Variants in PPARGC1B observed in about 807,000 individuals in gnomAD.
The protein encoded by PPARGC1B is PPARG coactivator 1 beta, also known as peroxisome proliferator-activated receptor gamma coactivator 1-beta.
A neutral mutation model predicts 101.6 loss-of-function variants in PPARGC1B; 34 were observed. The observed-to-expected ratio is 0.33, with a 90% CI of 0.25 to 0.45. The LOEUF is 0.45. Ranked by LOEUF, PPARGC1B falls within the 20% of genes least tolerant of loss-of-function variation. PPARGC1B has a pLI of 1.00. For missense variants in PPARGC1B, 1,234 were observed against 1,317.6 expected, an observed-to-expected ratio of 0.94 and a Z score of 0.98; for synonymous variants, 548 against 539.3, an observed-to-expected ratio of 1.02 and a Z score of -0.22.
chr5:149,794,118 G>A (rs1021657865), intron 1 of PPARGC1B, among the ~76,000 whole-genome samples: 3 of 152,168 alleles, frequency 2.0e-5, no homozygotes, highest in Admixed American at 2.0e-4. Context: ...GCTCTTTACA[G>A]AAGAAGTTGC....
intron 1 of PPARGC1B, among the ~76,000 whole-genome samples, chr5:149,763,996 C>G (rs1755815853): frequency 6.6e-6 from 1 of 152,096 alleles, no homozygotes; most frequent in African/African-American, 2.4e-5. Flanking sequence ...GGGGCTTTTC[C>G]CCTTTATTGG....
chr5:149,771,319 AG>A (rs1241748498), intron 1 of PPARGC1B, among the ~76,000 whole-genome samples: 1 of 152,236 alleles, frequency 6.6e-6, no homozygotes, highest in Non-Finnish European at 1.5e-5. Context: ...CCCTGGAAGC[AG>A]GCTCAGGGCC....
At chr5:149,801,785 G>C (rs1757438167) in intron 1 of PPARGC1B, among the ~76,000 whole-genome samples, 1 of 152,160 alleles carries the variant, frequency 6.6e-6, no homozygotes, top group African/African-American at 2.4e-5. Context: ...CTCAGAGCAT[G>C]AAGGGTTAAC....
At chr5:149,838,989 A>G (rs948634100) in intron 8 of PPARGC1B, among the ~76,000 whole-genome samples, 1 of 152,202 alleles carries the variant, frequency 6.6e-6, no homozygotes, top group African/African-American at 2.4e-5. Context: ...AAGGGATGAT[A>G]ATACAATAAT....
At position 149,792,760 on chromosome 5, in the gene PPARGC1B, T is replaced by TTCATTCAG. The variant is rs1554077551; in HGVS notation, c.79-27666_79-27665insGTCATTCA. 6.6e-5 allele frequency among the ~76,000 whole-genome samples: 10 copies of TTCATTCAG among 151,880 alleles called. 1 individual carries two copies. The highest frequency in any genetic ancestry group is 6.6e-4 in the Admixed American group (10 of 15,252). On this transcript the variant is annotated intron_variant, in intron 1 of 11. Coordinates refer to ENST00000309241, the MANE Select transcript of PPARGC1B (RefSeq NM_133263.4). Reference sequence around the variant, plus strand: ...TTGTATTCATTCATTCATTCATTCATTCATTCATTCAGTCAGTCTGCATGC... The same window carrying TTCATTCAG: ...TTGTATTCATTCATTCATTCATTCATTCATTCAGTCATTCATTCAGTCAGTCTGCATGC...
chr5:149,785,092 C>T (rs1206074440), intron 1 of PPARGC1B, among the ~76,000 whole-genome samples: 1 of 152,196 alleles, frequency 6.6e-6, no homozygotes, highest in Non-Finnish European at 1.5e-5. Flanking sequence ...TCTATACTAA[C>T]AGAGTTCGGG....
rs568394973 is a variant in PPARGC1B, at chr5:149,849,638, G to A, written c.*2080G>A. 1 of 152,292 alleles carries A rather than the reference G, an allele frequency of 6.6e-6. No individual in the cohort carries two copies. The highest frequency in any genetic ancestry group is 1.9e-4 in the East Asian group (1 of 5,178). The allele number at this position is 152,292 out of a possible 1,614,324, so 9.4% of individuals were successfully genotyped here. A position where few individuals can be genotyped will look rare whatever the true frequency, so the allele number is the denominator to read the frequency against. On this transcript the variant is annotated 3_prime_UTR_variant, in exon 12 of 12. Coordinates refer to ENST00000309241, the MANE Select transcript of PPARGC1B (RefSeq NM_133263.4). Reference sequence around the variant, plus strand: ...ATTTGACATCTTGGGCTAATCTTTGGAAGGTTTCCAACAATCACACAAAAC... The same window carrying A: ...ATTTGACATCTTGGGCTAATCTTTGAAAGGTTTCCAACAATCACACAAAAC...
At chr5:149,755,361 G>A (rs1304069185) in intron 1 of PPARGC1B, among the ~76,000 whole-genome samples, 1 of 151,652 alleles carries the variant, frequency 6.6e-6, no homozygotes, top group Non-Finnish European at 1.5e-5. Context: ...GGTGTAGCTG[G>A]GATTACAGGC....
intron 1 of PPARGC1B, among the ~76,000 whole-genome samples, chr5:149,750,650 T>C (rs561408664): frequency 6.6e-6 from 1 of 151,906 alleles, no homozygotes; most frequent in Non-Finnish European, 1.5e-5. Flanking sequence ...GGCTCAACCA[T>C]GAGGTCTGTA....
chr5:149,755,044 T>TACATAC (rs1160008713), intron 1 of PPARGC1B, among the ~76,000 whole-genome samples: 1 of 86,992 alleles, frequency 1.1e-5, no homozygotes, highest in Non-Finnish European at 2.2e-5. Context: ...CATATACATA[T>TACATAC]ACATATACAT....
intron 1 of PPARGC1B, among the ~76,000 whole-genome samples, chr5:149,745,979 G>A (rs1755073523): frequency 6.6e-6 from 1 of 152,182 alleles, no homozygotes; most frequent in South Asian, 2.1e-4. Context: ...ACAGTTTGAT[G>A]TATCAGGCCC....
At chr5:149,809,350 CATAGATAG>C (rs374136678) in intron 1 of PPARGC1B, among the ~76,000 whole-genome samples, 356 of 34,870 alleles carry the variant, frequency 0.01, 30 homozygotes, top group African/African-American at 0.016. Flanking sequence ...CCATCTCTAC[CATAGATAG>C]ATAGATAGAT....
At chr5:149,791,813 A>G (rs1757032534) in intron 1 of PPARGC1B, among the ~76,000 whole-genome samples, 1 of 152,192 alleles carries the variant, frequency 6.6e-6, no homozygotes, top group South Asian at 2.1e-4. Context: ...CTTCTGACAG[A>G]TTAAGATAAT....
At chr5:149,752,959 T>A (rs1439198385) in intron 1 of PPARGC1B, among the ~76,000 whole-genome samples, 1 of 152,220 alleles carries the variant, frequency 6.6e-6, no homozygotes, top group Admixed American at 6.5e-5. Context: ...CCTCTACTAA[T>A]TTCTAATGTG....
intron 1 of PPARGC1B, among the ~76,000 whole-genome samples, chr5:149,765,965 A>ACATAGTAATTGCCCAG (rs1206233118): frequency 6.6e-6 from 1 of 152,202 alleles, no homozygotes; most frequent in East Asian, 1.9e-4. Flanking sequence ...AATACCTGGC[A>ACATAGTAATTGCCCAG]CATAGTAATT....
chr5:149,786,155 C>T (rs1444402762), intron 1 of PPARGC1B, among the ~76,000 whole-genome samples: 1 of 151,770 alleles, frequency 6.6e-6, no homozygotes, highest in Admixed American at 6.6e-5. Flanking sequence ...TCCAGTGGCT[C>T]GATCTCCGCT....
rs1302382877 is a variant in PPARGC1B at position 149,826,381 on chromosome 5, T to TAAGC, written c.253-290_253-287dup. Among the ~76,000 whole-genome samples the TAAGC allele has an allele frequency of 3.9e-5, 6 of 152,166 alleles. No homozygotes were observed. In the East Asian group the frequency reaches 1.2e-3, roughly 29 times the overall value. On this transcript the variant is annotated intron_variant, in intron 2 of 11. Transcript: ENST00000309241. ...GACAGCCCTGTGCCCAGGTATGTGA[T>TAAGC]AAGCAGCAGAGCCCAGAGTGGGACT...
intron 1 of PPARGC1B, chr5:149,817,619 A>G (rs2113345614): frequency 4.8e-6 from 2 of 416,738 alleles, no homozygotes; most frequent in African/African-American, 2.0e-5. Context: ...TAAGATGTCA[A>G]CTCACGGAGG....
At chr5:149,738,972 T>C (rs1754821296) in intron 1 of PPARGC1B, among the ~76,000 whole-genome samples, 1 of 152,278 alleles carries the variant, frequency 6.6e-6, no homozygotes. Context: ...CCATGGTATC[T>C]GAGTGTGCTT....
Sources: gnomAD v4.1 joint callset for allele counts (sites outside exome capture counted in the v4.1 genomes callset) on GRCh38, gnomAD v4.1.1 for gene constraint, MANE v1.5 for transcripts, NCBI Gene and HGNC (gene_info 2026-07-23, HGNC 2026-07-21) for gene names.